Variants in FRMD4B observed in about 807,000 individuals in gnomAD.
The protein encoded by FRMD4B is FERM domain-containing protein 4B.
FRMD4B carries 74 observed loss-of-function variants against 141.5 expected under a neutral mutation model. That is an observed-to-expected ratio of 0.52 (90% CI 0.43 to 0.63). FRMD4B has a LOEUF of 0.63. FRMD4B is among the 30% of genes least tolerant of loss of function. The pLI is 0.00. For synonymous variants in FRMD4B, 506 were observed against 467.9 expected, an observed-to-expected ratio of 1.08 and a Z score of -1.05; for missense variants, 1,366 against 1,253.4, an observed-to-expected ratio of 1.09 and a Z score of -1.36.
intron 1 of FRMD4B, among the ~76,000 whole-genome samples, chr3:69,527,172 A>G (rs1700942031): frequency 6.6e-6 from 1 of 152,204 alleles, no homozygotes; most frequent in Non-Finnish European, 1.5e-5. Context: ...TCACAAGTTC[A>G]TCTCTGGGTA....
At chr3:69,527,533 A>G (rs1396914899) in intron 1 of FRMD4B, among the ~76,000 whole-genome samples, 1 of 152,198 alleles carries the variant, frequency 6.6e-6, no homozygotes, top group East Asian at 1.9e-4. Flanking sequence ...ACTTACTCAG[A>G]TTTTTGCAGT....
At chr3:69,457,879 T>C (rs969726362) in intron 1 of FRMD4B, among the ~76,000 whole-genome samples, 1 of 152,160 alleles carries the variant, frequency 6.6e-6, no homozygotes, top group Non-Finnish European at 1.5e-5. Flanking sequence ...TCTCTGCTTT[T>C]AGGAGGAGGT....
chr3:69,277,857 TTCTTTTTTTTTTTC>T (rs1190484022), intron 5 of FRMD4B, among the ~76,000 whole-genome samples: 1 of 66,504 alleles, frequency 1.5e-5, no homozygotes, highest in Non-Finnish European at 3.4e-5. Context: ...TTTTCTTTCT[TTCTTTTTTTTTTTC>T]TTGAGACAGA....
intron 5 of FRMD4B, among the ~76,000 whole-genome samples, chr3:69,267,681 AGAGAGAGAGT>A (rs2093574133): frequency 9.4e-5 from 5 of 52,968 alleles, no homozygotes; most frequent in African/African-American, 2.4e-4. Flanking sequence ...AGAGAGAGAG[AGAGAGAGAGT>A]GTCTGTCTGT....
chr3:69,212,214 G>C (rs932019849), intron 11 of FRMD4B, among the ~76,000 whole-genome samples: 2 of 151,334 alleles, frequency 1.3e-5, no homozygotes, highest in Non-Finnish European at 3.0e-5. Flanking sequence ...ACAAAAATTA[G>C]CCAGGCATGG....
intron 5 of FRMD4B, among the ~76,000 whole-genome samples, chr3:69,269,383 C>G (rs2093583945): frequency 6.6e-6 from 1 of 151,854 alleles, no homozygotes; most frequent in Admixed American, 6.6e-5. Flanking sequence ...AATGTTATCA[C>G]CCTCCCCCTT....
intron 7 of FRMD4B, among the ~76,000 whole-genome samples, chr3:69,235,444 G>A (rs2093339477): frequency 6.6e-6 from 1 of 151,908 alleles, no homozygotes; most frequent in African/African-American, 2.4e-5. Flanking sequence ...TGGATCACCT[G>A]AGGTCAAGAG....
intron 1 of FRMD4B, among the ~76,000 whole-genome samples, chr3:69,317,943 T>C (rs911086031): frequency 1.4e-4 from 21 of 151,968 alleles, no homozygotes; most frequent in Admixed American, 7.9e-4. Flanking sequence ...TCCATTTTTT[T>C]CCCTCTCTTA....
chr3:69,198,476 A>G (rs908239979), intron 12 of FRMD4B: 1 of 535,724 alleles, frequency 1.9e-6, no homozygotes, highest in Non-Finnish European at 3.3e-6. Context: ...AACCACATAT[A>G]CTGCTGCTTG....
intron 1 of FRMD4B, among the ~76,000 whole-genome samples, chr3:69,321,858 G>C (rs1702010622): frequency 6.6e-6 from 1 of 152,084 alleles, no homozygotes; most frequent in Non-Finnish European, 1.5e-5. Context: ...GGGACTATAG[G>C]CAAGTGCCAC....
In FRMD4B at chr3:69,540,630, A is replaced by AT. The variant is rs1346369708; in HGVS notation, c.-129+1575_-129+1576insA. On this transcript the variant is annotated intron_variant, in intron 1 of 5. Coordinates refer to the FRMD4B transcript ENST00000459638. Reference sequence around the variant, plus strand: ...TCTGTCTCTAAAAAAAAAAAAAAAAAAAAAAAATATATATATATATATATA... The same window carrying AT: ...TCTGTCTCTAAAAAAAAAAAAAAAAATAAAAAAATATATATATATATATATA... 4.3e-4 allele frequency among the ~76,000 whole-genome samples: 32 copies of AT among 74,720 alleles called. No homozygotes were observed. The East Asian group carries it at 9.0e-3, about 21-fold the overall frequency. 49.0% of individuals were successfully genotyped at this position (74,720 alleles called of 152,430 possible).
chr3:69,176,994 A>G (rs1407408181), intron 21 of FRMD4B, among the ~76,000 whole-genome samples: 1 of 152,170 alleles, frequency 6.6e-6, no homozygotes, highest in Non-Finnish European at 1.5e-5. Flanking sequence ...TATTAATATT[A>G]TTATTGAGAA....
intron 1 of FRMD4B, among the ~76,000 whole-genome samples, chr3:69,359,930 C>G (rs1703426175): frequency 6.6e-6 from 1 of 152,190 alleles, no homozygotes. Flanking sequence ...GCATAAGTCT[C>G]CCCAGTTGGG....
In FRMD4B at chr3:69,203,320, C is replaced by CAAAAA. The variant is rs796607832; in HGVS notation, c.877-4551_877-4547dup. On this transcript the variant is annotated intron_variant, in intron 11 of 22. Coordinates refer to ENST00000398540, the MANE Select transcript of FRMD4B (RefSeq NM_015123.3). ...ATCTGAGGGTACTGTCAAACTTCAG[C>CAAAAA]AAAAAAAAAAAAAAAAAAAAAAAAG... is the stretch of plus-strand genomic sequence containing the variant. Among the ~76,000 whole-genome samples, 44 of 107,866 alleles carry CAAAAA rather than the reference C, an allele frequency of 4.1e-4. No homozygotes were observed. In the East Asian group the frequency reaches 4.4e-3, roughly 11 times the overall value. The allele number at this position is 107,866 out of a possible 152,430, so 70.8% of individuals were successfully genotyped here. A position where few individuals can be genotyped will look rare whatever the true frequency, so the allele number is the denominator to read the frequency against.
chr3:69,442,866 T>C (rs1226031695), intron 1 of FRMD4B, among the ~76,000 whole-genome samples: 2 of 152,216 alleles, frequency 1.3e-5, no homozygotes, highest in Non-Finnish European at 2.9e-5. Flanking sequence ...AGTTTCTTCA[T>C]ATGCACAATG....
intron 1 of FRMD4B, among the ~76,000 whole-genome samples, chr3:69,326,097 C>T (rs1250944226): frequency 1.3e-5 from 2 of 151,636 alleles, no homozygotes; most frequent in East Asian, 1.9e-4. Flanking sequence ...TACAGGTGCA[C>T]ACCATCATGC....
At chr3:69,498,193 T>A (rs1210881571) in intron 1 of FRMD4B, among the ~76,000 whole-genome samples, 2 of 152,188 alleles carry the variant, frequency 1.3e-5, no homozygotes, top group East Asian at 3.9e-4. Flanking sequence ...AAGTGAGAAC[T>A]GAGGAGGACA....
Position 69,195,384 on chromosome 3 carries a change from C to T in FRMD4B, c.1235-20G>A. On this transcript the variant is annotated intron_variant, in intron 14 of 22. Transcript: ENST00000398540. ...GAGAACCTAGGGGATGAGGGAAGGG[C>T]AGGGAAGGTTTATACAAGGGATGTT... 1 of 1,593,902 alleles carries T rather than the reference C, an allele frequency of 6.3e-7. No homozygotes were observed.
chr3:69,301,748 G>A (rs1220887727), intron 4 of FRMD4B, among the ~76,000 whole-genome samples: 5 of 152,252 alleles, frequency 3.3e-5, no homozygotes, highest in Non-Finnish European at 7.3e-5. Context: ...TCAGGATACA[G>A]TTAAGTGACT....
Sources: gnomAD v4.1 joint callset for allele counts (sites outside exome capture counted in the v4.1 genomes callset) on GRCh38, gnomAD v4.1.1 for gene constraint, MANE v1.5 for transcripts, NCBI Gene and HGNC (gene_info 2026-07-23, HGNC 2026-07-21) for gene names.